ARHGAP10: variants seen among roughly 807,000 people sequenced by gnomAD.
The protein encoded by ARHGAP10 is Rho GTPase activating protein 10.
A neutral mutation model predicts 108.6 loss-of-function variants in ARHGAP10; 87 were observed. That is an observed-to-expected ratio of 0.80 (90% CI 0.67 to 0.96). ARHGAP10 has a LOEUF of 0.96. ARHGAP10 is among the 40% of genes least tolerant of loss of function. The pLI, the probability that ARHGAP10 is intolerant of heterozygous loss-of-function variation, is 0.00. For missense variants in ARHGAP10, 939 were observed against 954.5 expected (o/e 0.98, Z 0.21); for synonymous variants, 347 against 341.1 (o/e 1.02, Z -0.19).
chr4:147,939,683 C>T, intron 13 of ARHGAP10, 142 bp from the exon 14 acceptor site: 1 of 733,830 alleles, frequency 1.4e-6, no homozygotes, highest in South Asian at 1.7e-5. Flanking sequence ...AGTTGTTAAA[C>T]ACTTGATTTT....
At chr4:148,014,471 CT>C (rs1254731696) in intron 18 of ARHGAP10, among the ~76,000 whole-genome samples, 1 of 152,138 alleles carries the variant, frequency 6.6e-6, no homozygotes, top group East Asian at 1.9e-4. Context: ...AGTGATGCAG[CT>C]TTGGCTTAAT....
At chr4:147,857,443 G>A (rs1039804589) in intron 4 of ARHGAP10, 110 bp from the exon 5 acceptor site, 4 of 1,078,818 alleles carry the variant, frequency 3.7e-6, no homozygotes, top group East Asian at 6.8e-5. Context: ...CACATTCAGA[G>A]TGGTGCTTTG....
intron 1 of ARHGAP10, among the ~76,000 whole-genome samples, chr4:147,750,574 G>A (rs1729096702): frequency 1.3e-5 from 2 of 151,702 alleles, no homozygotes. Context: ...TGTTGGATTT[G>A]CTTAAATGGA....
At chr4:147,776,940 C>T (rs1006471821) in intron 1 of ARHGAP10, among the ~76,000 whole-genome samples, 20 of 152,138 alleles carry the variant, frequency 1.3e-4, no homozygotes, top group Admixed American at 9.2e-4. Flanking sequence ...TACGAGAGAG[C>T]GTGTCTTTCC....
intron 19 of ARHGAP10, among the ~76,000 whole-genome samples, chr4:148,045,756 A>G (rs1728851982): frequency 1.3e-5 from 2 of 151,640 alleles, no homozygotes; most frequent in South Asian, 2.1e-4. Flanking sequence ...AAAAAAAAAA[A>G]AAAAAAAAAG....
intron 1 of ARHGAP10, chr4:147,808,966 G>A (rs1381567784): frequency 2.0e-5 from 3 of 152,302 alleles, no homozygotes; most frequent in African/African-American, 4.8e-5. Context: ...AGCTTCCCAG[G>A]AGGCCAAGGC....
intron 20 of ARHGAP10, among the ~76,000 whole-genome samples, chr4:148,059,786 C>T (rs1004532308): frequency 6.6e-6 from 1 of 152,128 alleles, no homozygotes; most frequent in East Asian, 1.9e-4. Context: ...GCGTGGGACT[C>T]GCGGTCAGAG....
chr4:147,789,296 T>G (rs2126743863), intron 1 of ARHGAP10, among the ~76,000 whole-genome samples: 1 of 152,318 alleles, frequency 6.6e-6, no homozygotes, highest in East Asian at 1.9e-4. Flanking sequence ...TCCACATATT[T>G]TATTTATGTT....
At chr4:147,846,600 T>C (rs888226310) in intron 3 of ARHGAP10, among the ~76,000 whole-genome samples, 3 of 152,206 alleles carry the variant, frequency 2.0e-5, no homozygotes, top group African/African-American at 7.2e-5. Context: ...CCTGATGTCA[T>C]GTTTGCTAGC....
At chr4:147,893,354 G>A (rs573671106) in intron 10 of ARHGAP10, among the ~76,000 whole-genome samples, 18 of 151,096 alleles carry the variant, frequency 1.2e-4, no homozygotes, top group East Asian at 7.7e-4. Flanking sequence ...CACTGCTCCC[G>A]GCAGGAAGTA....
chr4:147,998,368 C>T (rs1355708047), intron 18 of ARHGAP10, among the ~76,000 whole-genome samples: 1 of 152,138 alleles, frequency 6.6e-6, no homozygotes. Context: ...ATCTATTCCC[C>T]AAAAAGCACC....
At position 147,777,667 on chromosome 4, in the gene ARHGAP10, A is replaced by G. The variant is rs550731506; in HGVS notation, c.155-45060A>G. On this transcript the variant is annotated intron_variant, in intron 1 of 22. Coordinates refer to ENST00000336498, the MANE Select transcript of ARHGAP10 (RefSeq NM_024605.4). ...CACTGGATCACACTGACTGACCTTT[A>G]AGGGTGACTCATGTCTGTGTCATTT... Among the ~76,000 whole-genome samples the G allele has an allele frequency of 2.4e-4, 36 of 152,310 alleles. No homozygotes were observed. In the South Asian group the frequency reaches 7.1e-3, roughly 30 times the overall value.
rs888170243 is a variant in ARHGAP10, at chr4:147,765,375, A to G, written c.154+32920A>G. ...GTGAGTGTGTGTATTTCAATGTGCC[A>G]CGCCCATTTTCATTCCTGACAGACT... On this transcript the variant is annotated intron_variant, in intron 1 of 22. Coordinates refer to ENST00000336498, the MANE Select transcript of ARHGAP10 (RefSeq NM_024605.4). 2.8e-5 allele frequency among the ~76,000 whole-genome samples: 4 copies of G among 145,158 alleles called. No homozygotes were observed. In the South Asian group the frequency reaches 6.4e-4, roughly 23 times the overall value.
intron 19 of ARHGAP10, among the ~76,000 whole-genome samples, chr4:148,028,061 C>T (rs543430101): frequency 6.6e-6 from 1 of 152,228 alleles, no homozygotes; most frequent in African/African-American, 2.4e-5. Context: ...TTTGTCACTG[C>T]AGTGAAATAA....
chr4:147,811,378 G>A (rs910905720), intron 1 of ARHGAP10, among the ~76,000 whole-genome samples: 7 of 152,188 alleles, frequency 4.6e-5, no homozygotes, highest in African/African-American at 1.7e-4. Flanking sequence ...GCTCCCTAGG[G>A]AGTTTGGTCT....
At chr4:147,973,889 A>G (rs1739501953) in intron 18 of ARHGAP10, among the ~76,000 whole-genome samples, 1 of 152,196 alleles carries the variant, frequency 6.6e-6, no homozygotes, top group Admixed American at 6.5e-5. Context: ...TTAAGGCTGA[A>G]TAGTACTCCA....
intron 1 of ARHGAP10, among the ~76,000 whole-genome samples, chr4:147,742,982 T>C (rs1270834215): frequency 6.6e-6 from 1 of 151,876 alleles, no homozygotes; most frequent in African/African-American, 2.4e-5. Context: ...ACATTACATT[T>C]ATTTGAGAAT....
intron 15 of ARHGAP10, among the ~76,000 whole-genome samples, chr4:147,951,767 G>A (rs1738610155): frequency 1.3e-5 from 2 of 151,978 alleles, no homozygotes; most frequent in South Asian, 2.1e-4. Context: ...TTTATTTGTT[G>A]TTTAAAGACA....
At chr4:147,979,303 AT>A (rs1177581837) in intron 18 of ARHGAP10, among the ~76,000 whole-genome samples, 2 of 152,170 alleles carry the variant, frequency 1.3e-5, no homozygotes, top group Non-Finnish European at 2.9e-5. Flanking sequence ...CATTTATTGA[AT>A]AGGAAGTCCT....
Sources: gnomAD v4.1 joint callset for allele counts (sites outside exome capture counted in the v4.1 genomes callset) on GRCh38, gnomAD v4.1.1 for gene constraint, MANE v1.5 for transcripts, NCBI Gene and HGNC (gene_info 2026-07-23, HGNC 2026-07-21) for gene names.